The following NDUFS1 variants were observed in gnomAD, a reference collection of about 807,000 sequenced individuals.
The protein encoded by NDUFS1 is NADH:ubiquinone oxidoreductase core subunit S1.
Under a neutral mutation model 84.4 loss-of-function variants are expected in NDUFS1, and 61 were observed. The ratio of observed to expected loss-of-function variants is 0.72; its 90% CI spans 0.59 to 0.89. The LOEUF is 0.89. Ranked by LOEUF, NDUFS1 falls within the 40% of genes least tolerant of loss-of-function variation. The probability of loss-of-function intolerance (pLI) is 0.00; values close to 1 mark genes in which losing one functional copy is unlikely to be tolerated. For synonymous variants in NDUFS1, 275 were observed against 290.0 expected (o/e 0.95, Z 0.53); for missense variants, 891 against 890.0 (o/e 1.00, Z -0.01).
chr2:206,138,565 G>C lies in NDUFS1; in HGVS notation c.1312C>G (p.Leu438Val), dbSNP rs1209234412. The C allele has an allele frequency of 6.2e-7, 1 of 1,613,820 alleles. No homozygotes were observed. The highest frequency in any genetic ancestry group is 8.5e-7 in the Non-Finnish European group (1 of 1,179,732). Residue 438 changes from leucine to valine, a missense_variant, in exon 13 of 19, where the codon CTC becomes GTC. By Grantham distance (32) the Leu-to-Val change is conservative (BLOSUM62 1). Transcript: ENST00000233190. Reference sequence around the variant, plus strand: ...CCCAGGTGGTCATATGTGTAAGTGAGGTCCACTGGACTGCCTATAAGGGCC... The same window carrying C: ...CCCAGGTGGTCATATGTGTAAGTGACGTCCACTGGACTGCCTATAAGGGCC... ...KVALIGSPVD[L>V]TYTYDHLGDS...
chr2:206,156,720 T>G (rs1201840399), intron 1 of NDUFS1, among the ~76,000 whole-genome samples: 1 of 152,242 alleles, frequency 6.6e-6, no homozygotes, highest in Non-Finnish European at 1.5e-5. Flanking sequence ...TTATCATAGA[T>G]GATGTACAAC....
Position 206,147,519 on chromosome 2 carries a change from A to G in NDUFS1, c.551+12T>C, listed in dbSNP as rs748795804. 15 of 1,610,218 alleles carry G rather than the reference A, an allele frequency of 9.3e-6. No individual in the cohort carries two copies. Among genetic ancestry groups the G allele is most frequent in the Non-Finnish European group, 1.3e-5 (15 of 1,178,166 alleles). Reference sequence around the variant, plus strand: ...TATATTCTATAATAGAAAAAAAAGGAAAAAAAGTTACCTGATGCAGCGAGT... The same window carrying G: ...TATATTCTATAATAGAAAAAAAAGGGAAAAAAGTTACCTGATGCAGCGAGT... On this transcript the variant is annotated intron_variant, in intron 7 of 18. Transcript: ENST00000233190.
At position 206,149,932 on chromosome 2, in the gene NDUFS1, GT is replaced by G. The variant is rs1463501845; in HGVS notation, c.154-8del. 17 of 254,294 alleles carry G rather than the reference GT, an allele frequency of 6.7e-5. No individual in the cohort carries two copies. Among genetic ancestry groups the G allele is most frequent in the African/African-American group, 2.1e-4 (2 of 9,568 alleles). The allele number at this position is 254,294 out of a possible 1,614,324, so 15.8% of individuals were successfully genotyped here. On this transcript the variant is annotated splice_polypyrimidine_tract_variant and splice_region_variant and intron_variant, in intron 3 of 18. Coordinates refer to ENST00000233190, the MANE Select transcript of NDUFS1 (RefSeq NM_005006.7). Reference sequence around the variant, plus strand: ...TGCCAACCTTCTCACAAGCCTAGAAGTAAAAAAAAAAAAAAAAAAAAAAAAA... The same window carrying G: ...TGCCAACCTTCTCACAAGCCTAGAAGAAAAAAAAAAAAAAAAAAAAAAAAA...
chr2:206,146,291 G>GA (rs1473457787), intron 8 of NDUFS1, among the ~76,000 whole-genome samples: 1 of 152,148 alleles, frequency 6.6e-6, no homozygotes, highest in Non-Finnish European at 1.5e-5. Flanking sequence ...TGACAACCAC[G>GA]AATCAGCAAG....
intron 15 of NDUFS1, 22 bp downstream of exon 15, chr2:206,130,066 T>A: frequency 1.2e-6 from 2 of 1,613,620 alleles, no homozygotes; most frequent in Non-Finnish European, 8.5e-7. Flanking sequence ...CTTTTGTTTC[T>A]GGTGTCACAG....
Position 206,115,055 on chromosome 2 carries a change from T to C in NDUFS1, c.*9130A>G, listed in dbSNP as rs1201406237. On this transcript the variant is annotated 3_prime_UTR_variant, in exon 19 of 19. Coordinates refer to ENST00000233190, the MANE Select transcript of NDUFS1 (RefSeq NM_005006.7). The stretch of plus-strand genomic sequence containing the variant: ...TTCCCTATTGATGGATATTTACATA[T>C]TTTTGTTTTGTCTGACATGACAAAC... 1 of 152,230 alleles carries C rather than the reference T, an allele frequency of 6.6e-6. No individual in the cohort carries two copies. The allele number at this position is 152,230 out of a possible 1,614,324, so 9.4% of individuals were successfully genotyped here. A position where few individuals can be genotyped will look rare whatever the true frequency, so the allele number is the denominator to read the frequency against.
intron 12 of NDUFS1, among the ~76,000 whole-genome samples, chr2:206,140,907 A>G (rs1255014133): frequency 7.3e-6 from 1 of 136,450 alleles, no homozygotes. Context: ...TCACACACAC[A>G]TATATATGTA....
At chr2:206,130,733 C>T (rs1691480582) in intron 14 of NDUFS1, among the ~76,000 whole-genome samples, 1 of 152,124 alleles carries the variant, frequency 6.6e-6, no homozygotes, top group African/African-American at 2.4e-5. Flanking sequence ...AGAATGGCAA[C>T]CAAAGAAATG....
chr2:206,156,860 G>A (rs1376937853), intron 1 of NDUFS1, among the ~76,000 whole-genome samples: 2 of 152,192 alleles, frequency 1.3e-5, no homozygotes, highest in East Asian at 3.8e-4. Context: ...TAGAGCAGGA[G>A]GAAAACAATA....
intron 12 of NDUFS1, among the ~76,000 whole-genome samples, chr2:206,140,776 G>A (rs7570021): frequency 0.024 from 3,712 of 151,992 alleles, 154 homozygotes; most frequent in African/African-American, 0.085. Flanking sequence ...ACCACGCCCA[G>A]CCTAAATTTC....
At chr2:206,159,038 T>A in intron 1 of NDUFS1, 1 of 1,526,234 alleles carries the variant, frequency 6.6e-7, no homozygotes. Flanking sequence ...GGCCTCCTCC[T>A]CTGAGAGGGA....
chr2:206,125,026 T>A (rs1050465384), intron 18 of NDUFS1, among the ~76,000 whole-genome samples: 3 of 151,734 alleles, frequency 2.0e-5, no homozygotes, highest in African/African-American at 4.8e-5. Flanking sequence ...TTTTTTTTTT[T>A]AAAGAGACCA....
intron 1 of NDUFS1, among the ~76,000 whole-genome samples, chr2:206,156,502 G>A (rs1286684336): frequency 6.6e-6 from 1 of 151,628 alleles, no homozygotes; most frequent in South Asian, 2.1e-4. Flanking sequence ...TTGAGCCCAG[G>A]TGTTCAAGGT....
At position 206,116,497 on chromosome 2, in the gene NDUFS1, C is replaced by T. The variant is rs536271370; in HGVS notation, c.*7688G>A. 2.5e-6 allele frequency: 3 copies of T among 1,212,086 alleles called. No individual in the cohort carries two copies. The highest frequency in any genetic ancestry group is 1.5e-5 in the African/African-American group (1 of 66,770). The allele number at this position is 1,212,086 out of a possible 1,614,324, so 75.1% of individuals were successfully genotyped here. ...CGCACGCTCCGCACCACTCGCAGCG[C>T]CATGTTCCCAGGGGTGCGGGGATGG... On this transcript the variant is annotated 3_prime_UTR_variant, in exon 19 of 19. Transcript: ENST00000233190.
chr2:206,133,205 G>A, intron 13 of NDUFS1, 100 bp from the exon 14 acceptor site: 5 of 961,340 alleles, frequency 5.2e-6, no homozygotes, highest in East Asian at 2.6e-5. Context: ...CAAGTCTTAG[G>A]TGTAACATGA....
At chr2:206,126,346 C>T (rs1691290754) in intron 18 of NDUFS1, among the ~76,000 whole-genome samples, 193 bp downstream of exon 18, 1 of 152,114 alleles carries the variant, frequency 6.6e-6, no homozygotes, top group Non-Finnish European at 1.5e-5. Context: ...TCAAACTTTG[C>T]TTACATTTCA....
At chr2:206,150,014 T>C (rs1421251241) in intron 3 of NDUFS1, 89 bp from the exon 4 acceptor site, 13 of 792,750 alleles carry the variant, frequency 1.6e-5, no homozygotes, top group Non-Finnish European at 2.6e-5. Context: ...ACATACAGCA[T>C]CTTATTACTT....
At position 206,126,530 on chromosome 2, in the gene NDUFS1, A is replaced by G. The variant is rs1173129542; in HGVS notation, c.2092+9T>C. 7 of 1,613,378 alleles carry G rather than the reference A, an allele frequency of 4.3e-6. No individual in the cohort carries two copies. The highest frequency in any genetic ancestry group is 1.3e-5 in the African/African-American group (1 of 74,932). ...CGTATTTGGCAGAGTCATGTTGACA[A>G]TTACATACCTGTCATGTAGAAGTCT... On this transcript the variant is annotated intron_variant, in intron 18 of 18. Transcript: ENST00000233190.
intron 8 of NDUFS1, 63 bp from the exon 9 acceptor site, chr2:206,145,089 G>A: frequency 6.7e-7 from 1 of 1,498,704 alleles, no homozygotes; most frequent in South Asian, 1.3e-5. Flanking sequence ...TCTGTTACCT[G>A]GTTTACCAAA....
Sources: allele counts gnomAD v4.1 joint callset (sites outside exome capture counted in the v4.1 genomes callset), GRCh38; gene constraint gnomAD v4.1.1; transcripts MANE v1.5; gene names NCBI Gene and HGNC (gene_info 2026-07-23, HGNC 2026-07-21).